The following TRPC5 variants were observed in gnomAD, a reference collection of about 807,000 sequenced individuals.
The protein encoded by TRPC5 is transient receptor potential cation channel subfamily C member 5, also known as short transient receptor potential channel 5.
In TRPC5, 9 loss-of-function variants were observed where a neutral mutation model predicts 56.5. That is an observed-to-expected ratio of 0.16 (90% CI 0.10 to 0.28). TRPC5 has a LOEUF of 0.28. TRPC5 is among the 10% of genes least tolerant of loss of function. The pLI, the probability that TRPC5 is intolerant of heterozygous loss-of-function variation, is 1.00. For synonymous variants in TRPC5, 282 were observed against 278.5 expected, an observed-to-expected ratio of 1.01 and a Z score of -0.13; for missense variants, 469 against 748.9, an observed-to-expected ratio of 0.63 and a Z score of 4.36.
chrX:111,773,619 T>A lies in TRPC5; in HGVS notation c.*2694A>T, dbSNP rs1004049427. On this transcript the variant is annotated 3_prime_UTR_variant, in exon 11 of 11. Coordinates refer to ENST00000262839, the MANE Select transcript of TRPC5 (RefSeq NM_012471.3). Reference sequence around the variant, plus strand: ...TAACATATATGCTTACTAATAAATGTCTTCTATAATCTAGAAGACTTGAGT... The same window carrying A: ...TAACATATATGCTTACTAATAAATGACTTCTATAATCTAGAAGACTTGAGT... Among the ~76,000 whole-genome samples the A allele has an allele frequency of 1.8e-5, 2 of 111,490 alleles. No homozygotes were observed. The highest frequency in any genetic ancestry group is 6.5e-5 in the African/African-American group (2 of 30,724).
intron 6 of TRPC5, among the ~76,000 whole-genome samples, chrX:111,839,473 G>C (rs991165322): frequency 8.9e-6 from 1 of 111,763 alleles, no homozygotes; most frequent in African/African-American, 3.3e-5. Context: ...TCTCAAAAAT[G>C]ATTCTTGGTA....
At chrX:111,879,428 T>G (rs748723204) in intron 3 of TRPC5, among the ~76,000 whole-genome samples, 2 of 111,751 alleles carry the variant, frequency 1.8e-5, no homozygotes, top group Non-Finnish European at 3.8e-5. Context: ...GAACTAGGAG[T>G]GAGAATAAGT....
At chrX:112,072,159 G>C (rs777391454) in intron 1 of TRPC5, among the ~76,000 whole-genome samples, 3 of 111,868 alleles carry the variant, frequency 2.7e-5, no homozygotes, top group Non-Finnish European at 3.8e-5. Context: ...ATCTGTACTT[G>C]CCTGGGTTTG....
At chrX:112,023,234 GTTTTTTTTTTTGTTTTTTTTTTTTT>G (rs1156915927) in intron 1 of TRPC5, among the ~76,000 whole-genome samples, 2 of 45,960 alleles carry the variant, frequency 4.4e-5, no homozygotes, top group African/African-American at 1.6e-4. Context: ...GCGCCCAGCA[GTTTTTTTTTTTGTTTTTTTTTTTTT>G]TTTTTTTTTT....
intron 3 of TRPC5, chrX:111,896,026 C>T (rs1224724200): frequency 9.0e-6 from 1 of 111,069 alleles, no homozygotes; most frequent in Non-Finnish European, 1.9e-5. Context: ...CTCTGAAGTA[C>T]CAGGAGACTG....
At chrX:111,781,282 TTATTTC>T (rs1945917767) in intron 8 of TRPC5, 76 bp from the exon 9 acceptor site, 2 of 928,531 alleles carry the variant, frequency 2.2e-6, no homozygotes, top group Non-Finnish European at 3.1e-6. Flanking sequence ...CTGAATATAA[TTATTTC>T]TATATATTAG....
chrX:111,860,062 C>CTGTG (rs1315286401), intron 3 of TRPC5, among the ~76,000 whole-genome samples: 10,998 of 112,168 alleles, frequency 0.098, 1,254 homozygotes, highest in African/African-American at 0.32. Context: ...GCGCCCGCCA[C>CTGTG]CACGACCGGC....
intron 1 of TRPC5, among the ~76,000 whole-genome samples, chrX:112,055,031 G>A (rs942305396): frequency 5.4e-5 from 6 of 111,819 alleles, no homozygotes; most frequent in African/African-American, 1.9e-4. Context: ...ATAAGGAGGG[G>A]TTGATGAAAT....
At chrX:112,020,245 T>C (rs190762085) in intron 1 of TRPC5, among the ~76,000 whole-genome samples, 252 of 111,948 alleles carry the variant, frequency 2.3e-3, no homozygotes, top group African/African-American at 7.9e-3. Context: ...TTCAGATGTA[T>C]ATTTTTATTT....
At chrX:111,941,928 A>G (rs938434866) in intron 2 of TRPC5, among the ~76,000 whole-genome samples, 3 of 111,878 alleles carry the variant, frequency 2.7e-5, no homozygotes, top group Non-Finnish European at 5.6e-5. Flanking sequence ...GCAGGTGTCA[A>G]TGGCAGTAAT....
At chrX:112,074,663 A>G (rs1430838832) in intron 1 of TRPC5, among the ~76,000 whole-genome samples, 2 of 111,290 alleles carry the variant, frequency 1.8e-5, no homozygotes, top group Non-Finnish European at 3.8e-5. Flanking sequence ...ATGATGCCCT[A>G]CTTGGCCACA....
chrX:111,833,126 T>A (rs961495462), intron 7 of TRPC5, among the ~76,000 whole-genome samples: 2 of 111,095 alleles, frequency 1.8e-5, no homozygotes, highest in African/African-American at 6.5e-5. Context: ...CATTTTAGAG[T>A]TCTTGGCCTA....
At chrX:111,915,507 G>A (rs1015294107) in intron 2 of TRPC5, among the ~76,000 whole-genome samples, 1 of 111,626 alleles carries the variant, frequency 9.0e-6, no homozygotes, top group Non-Finnish European at 1.9e-5. Context: ...CCACTCAGGG[G>A]CCATTGCAAG....
intron 3 of TRPC5, among the ~76,000 whole-genome samples, chrX:111,904,553 T>C (rs1234779512): frequency 9.0e-6 from 1 of 110,853 alleles, no homozygotes; most frequent in East Asian, 2.8e-4. Context: ...AGAAGCCACA[T>C]GTTCCCTCGT....
At chrX:111,946,301 GT>G (rs748749735) in intron 2 of TRPC5, among the ~76,000 whole-genome samples, 1 of 112,116 alleles carries the variant, frequency 8.9e-6, no homozygotes, top group South Asian at 3.8e-4. Context: ...CTTTACCCAG[GT>G]TCCATAGGAT....
intron 1 of TRPC5, among the ~76,000 whole-genome samples, chrX:112,024,941 TA>T (rs1279682222): frequency 8.9e-6 from 1 of 111,941 alleles, no homozygotes; most frequent in Non-Finnish European, 1.9e-5. Flanking sequence ...ATAGTAAAGC[TA>T]AAAAAGTAAA....
chrX:111,881,486 T>G (rs1338307178), intron 3 of TRPC5, among the ~76,000 whole-genome samples: 3 of 111,754 alleles, frequency 2.7e-5, no homozygotes, highest in Admixed American at 9.6e-5. Flanking sequence ...CGCTATGTTT[T>G]CAGTTTGTTA....
chrX:111,986,314 A>C (rs2148654242), intron 1 of TRPC5, among the ~76,000 whole-genome samples: 1 of 100,340 alleles, frequency 1.0e-5, no homozygotes, highest in South Asian at 3.8e-4. Context: ...ATTCAACTTT[A>C]TGTTCCAGGT....
At chrX:112,064,256 G>A (rs6642983) in intron 1 of TRPC5, among the ~76,000 whole-genome samples, 14,170 of 111,378 alleles carry the variant, frequency 0.13, 2,060 homozygotes, top group African/African-American at 0.42. Flanking sequence ...CTTTCTTGCT[G>A]TCAGGTAGAT....
Sources: gnomAD v4.1 joint callset for allele counts (sites outside exome capture counted in the v4.1 genomes callset) on GRCh38, gnomAD v4.1.1 for gene constraint, MANE v1.5 for transcripts, NCBI Gene and HGNC (gene_info 2026-07-23, HGNC 2026-07-21) for gene names.